Variants in GFRAL observed in about 807,000 individuals in gnomAD.
GFRAL encodes GDNF family receptor alpha like.
GFRAL carries 36 observed loss-of-function variants against 45.4 expected under a neutral mutation model. That is an observed-to-expected ratio of 0.79 (90% CI 0.61 to 1.05). The LOEUF (loss-of-function observed/expected upper bound fraction) is 1.05, where lower values mean the gene tolerates loss of function less well. GFRAL is among the 50% of genes least tolerant of loss of function. GFRAL has a pLI of 0.00. For missense variants in GFRAL, 507 were observed against 467.5 expected, an observed-to-expected ratio of 1.08 and a Z score of -0.78; for synonymous variants, 166 against 154.1, an observed-to-expected ratio of 1.08 and a Z score of -0.57.
At chr6:55,385,563 A>G (rs1343265922) in intron 6 of GFRAL, among the ~76,000 whole-genome samples, 1 of 152,128 alleles carries the variant, frequency 6.6e-6, no homozygotes, top group Non-Finnish European at 1.5e-5. Flanking sequence ...CCAAGTCACA[A>G]AAAAAGACAA....
intron 6 of GFRAL, among the ~76,000 whole-genome samples, chr6:55,397,439 A>G (rs1178570244): frequency 1.5e-5 from 2 of 130,646 alleles, no homozygotes; most frequent in Non-Finnish European, 3.2e-5. Context: ...AATGGCGTGA[A>G]CCCGGGAAGC....
chr6:55,384,494 T>G (rs570991109), intron 6 of GFRAL, among the ~76,000 whole-genome samples: 1 of 152,200 alleles, frequency 6.6e-6, no homozygotes, highest in East Asian at 1.9e-4. Context: ...TGATAACAAC[T>G]GATGGGACAG....
intron 3 of GFRAL, 79 bp from the exon 4 acceptor site, chr6:55,350,013 T>C: frequency 1.2e-6 from 1 of 829,648 alleles, no homozygotes; most frequent in Non-Finnish European, 2.1e-6. Context: ...CTTTACTCAT[T>C]TATAAATGTG....
intron 6 of GFRAL, among the ~76,000 whole-genome samples, chr6:55,369,255 A>T (rs888792053): frequency 1.8e-4 from 28 of 151,814 alleles, no homozygotes; most frequent in African/African-American, 6.5e-4. Flanking sequence ...GAACTCCCTG[A>T]CCCCTTGCGC....
At chr6:55,329,727 T>TGG (rs1454697428) in intron 1 of GFRAL, among the ~76,000 whole-genome samples, 1 of 151,758 alleles carries the variant, frequency 6.6e-6, no homozygotes, top group Non-Finnish European at 1.5e-5. Flanking sequence ...GCAAGAAAAA[T>TGG]GTTACCAAGC....
intron 3 of GFRAL, among the ~76,000 whole-genome samples, chr6:55,348,587 C>T (rs1364088368): frequency 6.6e-6 from 1 of 151,996 alleles, no homozygotes; most frequent in Admixed American, 6.6e-5. Context: ...TTGTAGATAG[C>T]CAGCCACATT....
At chr6:55,364,756 C>A (rs1450105739) in intron 6 of GFRAL, among the ~76,000 whole-genome samples, 1 of 151,612 alleles carries the variant, frequency 6.6e-6, no homozygotes, top group Admixed American at 6.6e-5. Context: ...TGTAGATATG[C>A]GGCGTGATTT....
intron 3 of GFRAL, among the ~76,000 whole-genome samples, chr6:55,337,132 C>T (rs547600596): frequency 1.3e-5 from 2 of 152,006 alleles, no homozygotes; most frequent in Admixed American, 6.6e-5. Flanking sequence ...TATTTGTATC[C>T]GTTAACCAAC....
At chr6:55,399,862 T>A (rs1768873259) in intron 8 of GFRAL, among the ~76,000 whole-genome samples, 1 of 152,146 alleles carries the variant, frequency 6.6e-6, no homozygotes, top group South Asian at 2.1e-4. Flanking sequence ...CACTCTAATA[T>A]CTTATATGCT....
intron 6 of GFRAL, among the ~76,000 whole-genome samples, chr6:55,380,257 C>T (rs960509528): frequency 1.3e-5 from 2 of 151,830 alleles, no homozygotes; most frequent in African/African-American, 4.8e-5. Flanking sequence ...CTAGGGGTTT[C>T]TATATTAAGG....
chr6:55,354,120 C>CAACCT, intron 5 of GFRAL, among the ~76,000 whole-genome samples: 1 of 152,024 alleles, frequency 6.6e-6, no homozygotes, highest in Admixed American at 6.6e-5. Context: ...CATTAGCATT[C>CAACCT]AACCTTCAAA....
intron 3 of GFRAL, among the ~76,000 whole-genome samples, chr6:55,343,965 A>T (rs1046929227): frequency 6.6e-6 from 1 of 152,132 alleles, no homozygotes; most frequent in Non-Finnish European, 1.5e-5. Context: ...GGATGCATAC[A>T]CTCTACCAAG....
At chr6:55,368,426 CCTT>C (rs1176257901) in intron 6 of GFRAL, among the ~76,000 whole-genome samples, 2 of 152,044 alleles carry the variant, frequency 1.3e-5, no homozygotes, top group Non-Finnish European at 2.9e-5. Context: ...TCGTTTGAAG[CCTT>C]CTTCTCTCAG....
At chr6:55,355,859 G>C (rs1295712940) in intron 5 of GFRAL, among the ~76,000 whole-genome samples, 1 of 151,880 alleles carries the variant, frequency 6.6e-6, no homozygotes, top group Middle Eastern at 3.2e-3. Flanking sequence ...CTATTGGTCT[G>C]CTCTGTCATA....
intron 3 of GFRAL, among the ~76,000 whole-genome samples, chr6:55,340,632 T>A (rs779346263): frequency 6.6e-6 from 1 of 152,088 alleles, no homozygotes; most frequent in African/African-American, 2.4e-5. Flanking sequence ...CATTTCCAAC[T>A]GAGGTACCAG....
At chr6:55,379,325 A>G (rs940232999) in intron 6 of GFRAL, among the ~76,000 whole-genome samples, 3 of 151,652 alleles carry the variant, frequency 2.0e-5, no homozygotes, top group Admixed American at 2.0e-4. Flanking sequence ...TCCCTCCCCC[A>G]TCAGGGAGAC....
chr6:55,399,437 C>T lies in GFRAL; in HGVS notation c.1117C>T (p.Leu373Phe), dbSNP rs780164083. 35 of 1,595,244 alleles carry T rather than the reference C, an allele frequency of 2.2e-5. No homozygotes were observed. The Admixed American group carries it at 5.5e-4, about 25-fold the overall frequency. Residue 373 changes from leucine to phenylalanine, a missense_variant, in exon 8 of 9, where the codon CTT becomes TTT. Physicochemically the swap from Leu to Phe is conservative, Grantham distance 22 (BLOSUM62 0). Coordinates refer to ENST00000340465, the MANE Select transcript of GFRAL (RefSeq NM_207410.2). ...AATCCTTCTGTTGGTTATGGTCAAG[C>T]TTAGGTAACTGAATATAAATTAGAA... ...CGILLLVMVK[L>F]RTSRISSKAR...
chr6:55,354,320 C>T (rs563705701), intron 5 of GFRAL, among the ~76,000 whole-genome samples: 2 of 152,178 alleles, frequency 1.3e-5, no homozygotes, highest in African/African-American at 4.8e-5. Flanking sequence ...CAAGGACCCC[C>T]AGCTTTAACC....
chr6:55,367,843 A>T (rs1348254745), intron 6 of GFRAL, among the ~76,000 whole-genome samples: 1 of 152,022 alleles, frequency 6.6e-6, no homozygotes, highest in African/African-American at 2.4e-5. Context: ...CTTTGAGGGT[A>T]ACCCGACCTT....
Sources: gnomAD v4.1 joint callset for allele counts (sites outside exome capture counted in the v4.1 genomes callset) on GRCh38, gnomAD v4.1.1 for gene constraint, MANE v1.5 for transcripts, NCBI Gene and HGNC (gene_info 2026-07-23, HGNC 2026-07-21) for gene names.